Variants in LRMDA observed in about 807,000 individuals in gnomAD.
LRMDA encodes the protein leucine-rich melanocyte differentiation-associated protein.
In LRMDA, 18 loss-of-function variants were observed where a neutral mutation model predicts 29.8. That is an observed-to-expected ratio of 0.60 (90% confidence interval 0.42 to 0.90). LRMDA has a LOEUF of 0.90. Among genes scored for constraint, LRMDA ranks in the 40% least tolerant of loss-of-function variants. LRMDA has a pLI of 0.00. For missense variants in LRMDA, 273 were observed against 273.9 expected (o/e 1.00, Z 0.02); for synonymous variants, 125 against 109.4 (o/e 1.14, Z -0.89).
chr10:75,566,093 G>A (rs1360250287), intron 2 of LRMDA, among the ~76,000 whole-genome samples: 1 of 152,130 alleles, frequency 6.6e-6, no homozygotes, highest in Non-Finnish European at 1.5e-5. Context: ...ATCATGTACT[G>A]GATTTCCCCT....
chr10:76,446,913 A>G (rs961801675), intron 6 of LRMDA, among the ~76,000 whole-genome samples: 1 of 152,158 alleles, frequency 6.6e-6, no homozygotes, highest in African/African-American at 2.4e-5. Context: ...CTTTAGTGTG[A>G]GAATTTAGAG....
chr10:76,106,326 A>G (rs527686464), intron 5 of LRMDA, among the ~76,000 whole-genome samples: 27 of 152,270 alleles, frequency 1.8e-4, no homozygotes, highest in African/African-American at 5.8e-4. Context: ...ATTTTCACCC[A>G]CTATGCTTAA....
At chr10:76,309,318 T>C (rs975158653) in intron 5 of LRMDA, among the ~76,000 whole-genome samples, 2 of 152,002 alleles carry the variant, frequency 1.3e-5, no homozygotes, top group African/African-American at 2.4e-5. Flanking sequence ...CAGTGTCCAG[T>C]GGGTCAGAGC....
intron 6 of LRMDA, among the ~76,000 whole-genome samples, chr10:76,546,229 C>A (rs1420117587): frequency 6.6e-6 from 1 of 152,178 alleles, no homozygotes; most frequent in Non-Finnish European, 1.5e-5. Context: ...GGGCGAAAGT[C>A]TATTGTTTTC....
chr10:76,388,803 C>T (rs990690401), intron 6 of LRMDA, among the ~76,000 whole-genome samples: 4 of 152,182 alleles, frequency 2.6e-5, no homozygotes, highest in African/African-American at 9.7e-5. Flanking sequence ...TTCATTTAAT[C>T]CTCACTACAA....
intron 2 of LRMDA, among the ~76,000 whole-genome samples, chr10:75,790,771 A>C (rs1258323403): frequency 6.6e-6 from 1 of 152,218 alleles, no homozygotes; most frequent in African/African-American, 2.4e-5. Flanking sequence ...AGAGATATGT[A>C]GTCTTTTTAG....
intron 5 of LRMDA, among the ~76,000 whole-genome samples, chr10:76,068,242 C>T (rs1321674934): frequency 6.6e-6 from 1 of 152,186 alleles, no homozygotes; most frequent in Non-Finnish European, 1.5e-5. Context: ...AAAGAAAACT[C>T]ATGTAAGCTC....
intron 6 of LRMDA, among the ~76,000 whole-genome samples, chr10:76,417,279 G>A (rs978435296): frequency 1.3e-5 from 2 of 152,152 alleles, no homozygotes; most frequent in African/African-American, 2.4e-5. Context: ...TTATTAGCAT[G>A]TCTTTCAAGT....
chr10:75,562,103 G>A (rs1283449653), intron 2 of LRMDA, among the ~76,000 whole-genome samples: 8 of 151,756 alleles, frequency 5.3e-5, no homozygotes, highest in Admixed American at 2.0e-4. Context: ...TTTCTGTCTC[G>A]TTGATCTGTC....
chr10:75,592,673 C>G (rs775523138), intron 2 of LRMDA, among the ~76,000 whole-genome samples: 9 of 152,240 alleles, frequency 5.9e-5, no homozygotes, highest in African/African-American at 2.2e-4. Flanking sequence ...GGCAGCCCCC[C>G]AGGCTTCGGC....
intron 5 of LRMDA, among the ~76,000 whole-genome samples, chr10:76,209,124 C>T (rs1247818328): frequency 6.6e-6 from 1 of 152,060 alleles, no homozygotes; most frequent in Admixed American, 6.6e-5. Context: ...CACTGCACTC[C>T]AGCCTAGGCA....
In LRMDA at chr10:75,669,480, G is replaced by A. The variant is rs60522622; in HGVS notation, c.131+230986G>A. Among the ~76,000 whole-genome samples, 1,271 of 152,306 alleles carry A rather than the reference G, an allele frequency of 8.3e-3. 21 individuals carry two copies. Among genetic ancestry groups the A allele is most frequent in the African/African-American group, 0.029 (1,185 of 41,562 alleles). ...TAGACACCAAGGGTTGCATTTCTAAGTCACATACTGCTATGCCTGTTATGT... is the reference window on the plus strand; with the variant it reads ...TAGACACCAAGGGTTGCATTTCTAAATCACATACTGCTATGCCTGTTATGT... On this transcript the variant is annotated intron_variant, in intron 2 of 6. Transcript: ENST00000611255.
intron 5 of LRMDA, among the ~76,000 whole-genome samples, chr10:76,247,851 T>G (rs1852403555): frequency 6.6e-6 from 1 of 152,132 alleles, no homozygotes; most frequent in Non-Finnish European, 1.5e-5. Flanking sequence ...TGGAGTGCCT[T>G]CCGGAGGTTG....
In LRMDA at chr10:75,805,379, C is replaced by T. The variant is rs903990528; in HGVS notation, c.132-230629C>T. On this transcript the variant is annotated intron_variant, in intron 2 of 6. Coordinates refer to ENST00000611255, the MANE Select transcript of LRMDA (RefSeq NM_001305581.2). ...ATCTAAGATGTGGAGCCTCTGGCTT[C>T]GTATGGCACTGAAGGAACCTTGGAG... is the stretch of plus-strand genomic sequence containing the variant. Among the ~76,000 whole-genome samples, 13 of 152,238 alleles carry T rather than the reference C, an allele frequency of 8.5e-5. No homozygotes were observed. In the East Asian group the frequency reaches 1.9e-3, roughly 23 times the overall value.
rs1216625789 is a variant in LRMDA, at chr10:75,621,212, A to ACC, written c.131+182719_131+182720insCC. Among the ~76,000 whole-genome samples the ACC allele has an allele frequency of 2.4e-3, 305 of 124,744 alleles. 1 individual carries two copies. The highest frequency in any genetic ancestry group is 6.7e-3 in the African/African-American group (237 of 35,320). The allele number at this position is 124,744 out of a possible 152,430, so 81.8% of individuals were successfully genotyped here. A position where few individuals can be genotyped will look rare whatever the true frequency, so the allele number is the denominator to read the frequency against. ...GTAGTATTCCATTACACACACACAC[A>ACC]CACACACACACACCCACACACCCAC... is the stretch of plus-strand genomic sequence containing the variant. On this transcript the variant is annotated intron_variant, in intron 2 of 6. Coordinates refer to ENST00000611255, the MANE Select transcript of LRMDA (RefSeq NM_001305581.2).
chr10:76,440,375 G>T (rs1842288923), intron 6 of LRMDA, among the ~76,000 whole-genome samples: 1 of 152,168 alleles, frequency 6.6e-6, no homozygotes, highest in African/African-American at 2.4e-5. Context: ...GGTTCAGGGT[G>T]GGTAAAATAT....
At chr10:75,904,730 A>T (rs751586770) in intron 2 of LRMDA, among the ~76,000 whole-genome samples, 1 of 152,334 alleles carries the variant, frequency 6.6e-6, no homozygotes, top group Middle Eastern at 3.4e-3. Context: ...CCAAGTCAAC[A>T]TCAGCCCAAA....
At chr10:76,277,197 T>C (rs889318604) in intron 5 of LRMDA, among the ~76,000 whole-genome samples, 4 of 152,174 alleles carry the variant, frequency 2.6e-5, no homozygotes, top group African/African-American at 9.7e-5. Context: ...ATTTCCATGG[T>C]ACTGCTGTAT....
intron 2 of LRMDA, among the ~76,000 whole-genome samples, chr10:75,820,466 G>A (rs555786031): frequency 7.9e-5 from 12 of 152,178 alleles, no homozygotes; most frequent in Non-Finnish European, 1.8e-4. Context: ...CATGAAAATA[G>A]AGACATAACA....
Sources: allele counts gnomAD v4.1 joint callset (sites outside exome capture counted in the v4.1 genomes callset), GRCh38; gene constraint gnomAD v4.1.1; transcripts MANE v1.5; gene names NCBI Gene and HGNC (gene_info 2026-07-23, HGNC 2026-07-21).